Variants in MYH9 observed in about 807,000 individuals in gnomAD.
The protein encoded by MYH9 is myosin heavy chain 9, also known as myosin-9.
MYH9 carries 29 observed loss-of-function variants against 241.9 expected under a neutral mutation model. That is an observed-to-expected ratio of 0.12 (90% CI 0.09 to 0.16). The LOEUF (loss-of-function observed/expected upper bound fraction) is 0.16. Ranked by LOEUF, MYH9 falls within the 10% of genes least tolerant of loss-of-function variation. The pLI, the probability that MYH9 is intolerant of heterozygous loss-of-function variation, is 1.00. For synonymous variants in MYH9, 1,047 were observed against 1,062.6 expected (o/e 0.99, Z 0.29); for missense variants, 1,803 against 2,595.5 (o/e 0.69, Z 6.63).
In MYH9 at chr22:36,294,269, C is replaced by G. The variant is rs1255970455; in HGVS notation, c.3660G>C (p.Gln1220His). 6 of 1,613,990 alleles carry G rather than the reference C, an allele frequency of 3.7e-6. No individual in the cohort carries two copies. The highest frequency in any genetic ancestry group is 1.3e-5 in the African/African-American group (1 of 74,944). The change falls in exon 28 of 41, where the codon CAG becomes CAC. Residue 1220 changes from glutamine to histidine, a missense_variant. This residue lies in a region of MYH9 where 876 missense variants were observed against 1,077.8 expected (regional missense o/e 0.81). Transcript: ENST00000216181. ...GCTCCCCCCGCTCGTTCTCCAGAGT[C>G]TGCTTTGCCTTCTCGAGGTTTGCTT... ...RVKANLEKAK[Q>H]TLENERGELA...
chr22:36,285,218 C>G lies in MYH9; in HGVS notation c.5386G>C (p.Glu1796Gln). Residue 1796 changes from glutamate to glutamine, a missense_variant, in exon 38 of 41, where the codon GAG (glutamate) becomes CAG (glutamine). This residue lies in a region of MYH9 where 876 missense variants were observed against 1,077.8 expected (regional missense o/e 0.81). Coordinates refer to ENST00000216181, the MANE Select transcript of MYH9 (RefSeq NM_002473.6). The surrounding 1 kb of genome is among the most constrained non-coding windows in gnomAD (Gnocchi z 7.0). Reference sequence around the variant, plus strand: ...TTGGACTTGACAGTGCCCTCCATCTCCTGCAGCTTGACCTTAAGCTCCTTG... The same window carrying G: ...TTGGACTTGACAGTGCCCTCCATCTGCTGCAGCTTGACCTTAAGCTCCTTG... ...QNKELKVKLQ[E>Q]MEGTVKSKYK... 6.2e-7 allele frequency: 1 copy of G among 1,614,196 alleles called. No homozygotes were observed. Among genetic ancestry groups the G allele is most frequent in the East Asian group, 2.2e-5 (1 of 44,876 alleles).
chr22:36,288,560 G>GAT lies in MYH9; in HGVS notation c.4771-148_4771-147insAT, dbSNP rs2016629487. 7.3e-7 allele frequency: 1 copy of GAT among 1,363,838 alleles called. No homozygotes were observed. Among genetic ancestry groups the GAT allele is most frequent in the African/African-American group, 1.4e-5 (1 of 69,838 alleles). The allele number at this position is 1,363,838 out of a possible 1,614,324, so 84.5% of individuals were successfully genotyped here. A position where few individuals can be genotyped will look rare whatever the true frequency, so the allele number is the denominator to read the frequency against. ...GGATTACTGACCATAAGAACTCTAA[G>GAT]AAAGTGAGTCACTGAACCCCGAGAC... On this transcript the variant is annotated intron_variant, in intron 33 of 40. Coordinates refer to ENST00000216181, the MANE Select transcript of MYH9 (RefSeq NM_002473.6). This position sits in a 1 kb window ranked among gnomAD's most constrained non-coding sequence, Gnocchi z 4.8.
At position 36,303,918 on chromosome 22, in the gene MYH9, C is replaced by A. The variant is rs2016928682; in HGVS notation, c.2390+77G>T. ...CATGTGACTGGCTGCAGCGGGGTGG[C>A]CTGCTAAGTGCCCTTTGGCAACAGA... On this transcript the variant is annotated intron_variant, in intron 19 of 40. Coordinates refer to ENST00000216181, the MANE Select transcript of MYH9 (RefSeq NM_002473.6). The A allele has an allele frequency of 3.2e-6, 5 of 1,562,442 alleles. No homozygotes were observed. In the South Asian group the frequency reaches 5.7e-5, roughly 18 times the overall value.
Position 36,360,612 on chromosome 22 carries a change from C to T in MYH9, c.-19-11357G>A, listed in dbSNP as rs374727827. 9.3e-5 allele frequency among the ~76,000 whole-genome samples: 14 copies of T among 151,316 alleles called. No individual in the cohort carries two copies. The East Asian group carries it at 2.3e-3, about 25-fold the overall frequency. On this transcript the variant is annotated intron_variant, in intron 1 of 40. Coordinates refer to ENST00000216181, the MANE Select transcript of MYH9 (RefSeq NM_002473.6). ...CCTGTAGTCCCAGCTACTCTGGAGGCTGAGGCAGGAGAATGGCGTGAACCT... is the reference window on the plus strand; with the variant it reads ...CCTGTAGTCCCAGCTACTCTGGAGGTTGAGGCAGGAGAATGGCGTGAACCT...
At chr22:36,289,474 C>T (rs1408203013) in intron 31 of MYH9, among the ~76,000 whole-genome samples, 177 bp from the exon 32 acceptor site, 1 of 152,266 alleles carries the variant, frequency 6.6e-6, no homozygotes, top group African/African-American at 2.4e-5. Context: ...CGTGCATCCT[C>T]ATGATGGGAT....
intron 30 of MYH9, 106 bp from the exon 31 acceptor site, chr22:36,292,340 C>T (rs938950121): frequency 1.2e-5 from 18 of 1,470,568 alleles, no homozygotes; most frequent in Middle Eastern, 1.7e-4. Context: ...GTGGAAGGGG[C>T]ACCAGGGATC....
rs1314994311 is a variant in MYH9 at position 36,295,715 on chromosome 22, A to G, written c.3275T>C (p.Val1092Ala). 6.2e-7 allele frequency: 1 copy of G among 1,611,804 alleles called. No individual in the cohort carries two copies. The highest frequency in any genetic ancestry group is 2.2e-5 in the East Asian group (1 of 44,838). ...EEELQAALARVEEEAAQKNMA... is the reference protein window; with the variant it reads ...EEELQAALARAEEEAAQKNMA... ...GTTCTTCTGGGCAGCTTCCTCTTCC[A>G]CTCTGCCAAAGCGACCAGCAACATC... is the stretch of plus-strand genomic sequence containing the variant. Residue 1092 changes from valine to alanine, a missense_variant and splice_region_variant, in exon 26 of 41, where the codon GTG (valine) becomes GCG (alanine). Val to Ala is a moderately conservative substitution (Grantham distance 64). Coordinates refer to ENST00000216181, the MANE Select transcript of MYH9 (RefSeq NM_002473.6). This position sits in a 1 kb window ranked among gnomAD's most constrained non-coding sequence, Gnocchi z 4.1.
intron 1 of MYH9, among the ~76,000 whole-genome samples, chr22:36,358,634 C>A (rs1482272911): frequency 6.6e-6 from 1 of 152,262 alleles, no homozygotes; most frequent in South Asian, 2.1e-4. Flanking sequence ...CATCTGGCCA[C>A]CCAAGACAGT....
At chr22:36,367,421 T>C (rs1318009511) in intron 1 of MYH9, among the ~76,000 whole-genome samples, 1 of 152,120 alleles carries the variant, frequency 6.6e-6, no homozygotes, top group African/African-American at 2.4e-5. Flanking sequence ...CAGCCAGCCC[T>C]GGACATATAG....
rs374834377 is a variant in MYH9 at position 36,309,758 on chromosome 22, T to C, written c.1729-362A>G. Among the ~76,000 whole-genome samples, 82 of 152,386 alleles carry C rather than the reference T, an allele frequency of 5.4e-4. No homozygotes were observed. The East Asian group carries it at 0.013, about 24-fold the overall frequency. Reference sequence around the variant, plus strand: ...CTGGAAGGACAACAAAATGTTACTATTTCTTTTTAGTCATAAGACAAGTAA... The same window carrying C: ...CTGGAAGGACAACAAAATGTTACTACTTCTTTTTAGTCATAAGACAAGTAA... On this transcript the variant is annotated intron_variant, in intron 14 of 40. Transcript: ENST00000216181.
At chr22:36,319,692 G>T in intron 9 of MYH9, 57 bp from the exon 10 acceptor site, 1 of 1,539,296 alleles carries the variant, frequency 6.5e-7, no homozygotes, top group Non-Finnish European at 9.0e-7. Flanking sequence ...TGATTCCCGG[G>T]GGTGGGGGCC....
At chr22:36,298,398 A>C (rs183338036) in intron 24 of MYH9, among the ~76,000 whole-genome samples, 31 of 152,284 alleles carry the variant, frequency 2.0e-4, no homozygotes, top group African/African-American at 6.7e-4. Context: ...CAAGTCAAGC[A>C]ATGAACTTCC....
At chr22:36,338,805 G>A (rs1337562006) in intron 3 of MYH9, among the ~76,000 whole-genome samples, 1 of 149,396 alleles carries the variant, frequency 6.7e-6, no homozygotes, top group Admixed American at 6.7e-5. Flanking sequence ...GGATGACAGA[G>A]TGAGACTCCA....
chr22:36,287,466 G>A (rs561785550), intron 34 of MYH9, among the ~76,000 whole-genome samples: 12 of 151,090 alleles, frequency 7.9e-5, no homozygotes, highest in East Asian at 3.9e-4. Context: ...TTTTTTGGCC[G>A]GGCGCAGTGG....
chr22:36,296,305 G>C (rs1368110526), intron 25 of MYH9, among the ~76,000 whole-genome samples: 1 of 152,136 alleles, frequency 6.6e-6, no homozygotes, highest in African/African-American at 2.4e-5. Flanking sequence ...CACGATCTTG[G>C]CTGACTGCAA....
Position 36,305,936 on chromosome 22 carries a change from C to A in MYH9, c.2153G>T (p.Arg718Leu), listed in dbSNP as rs1464713086. The change falls in exon 17 of 41, where the codon CGG (arginine) becomes CTG (leucine). Residue 718 changes from arginine (R) to leucine (L), a missense_variant. Physicochemically the swap from Arg to Leu is moderately radical, Grantham distance 102 (BLOSUM62 -2). Coordinates refer to ENST00000216181, the MANE Select transcript of MYH9 (RefSeq NM_002473.6). This position sits in a 1 kb window ranked among gnomAD's most constrained non-coding sequence, Gnocchi z 4.7. ...GCTCCGGGCCCTGGCTCACCTCTGC[C>A]GAAACTCCTGGAAGACCACCCTGTT... ...FPNRVVFQEF[R>L]QRYEILTPNS... is the part of the protein sequence containing the mutation. The A allele has an allele frequency of 6.2e-7, 1 of 1,613,098 alleles. No homozygotes were observed. Among genetic ancestry groups the A allele is most frequent in the Non-Finnish European group, 8.5e-7 (1 of 1,179,970 alleles).
intron 5 of MYH9, chr22:36,324,917 A>G: frequency 1.6e-6 from 1 of 612,656 alleles, no homozygotes; most frequent in Non-Finnish European, 2.9e-6. Context: ...GGAACCCCAG[A>G]TGTAAGGCAT....
intron 1 of MYH9, among the ~76,000 whole-genome samples, chr22:36,361,072 C>T (rs2017929514): frequency 2.6e-5 from 4 of 152,200 alleles, no homozygotes; most frequent in Admixed American, 2.6e-4. Context: ...GCAGCCTCGA[C>T]CTAGGCCCTC....
At position 36,333,489 on chromosome 22, in the gene MYH9, T is replaced by A. The variant is rs566052560; in HGVS notation, c.491-6001A>T. 7.9e-4 allele frequency among the ~76,000 whole-genome samples: 120 copies of A among 152,236 alleles called. 1 individual carries two copies. The highest frequency in any genetic ancestry group is 1.3e-3 in the Non-Finnish European group (91 of 68,018). On this transcript the variant is annotated intron_variant, in intron 3 of 40. Coordinates refer to ENST00000216181, the MANE Select transcript of MYH9 (RefSeq NM_002473.6). ...GTGGGAATGACATCCTGAGCCCCCATCAGTACTGTCTGTTTGCCAAAAGAA... is the reference window on the plus strand; with the variant it reads ...GTGGGAATGACATCCTGAGCCCCCAACAGTACTGTCTGTTTGCCAAAAGAA...
Sources: allele counts gnomAD v4.1 joint callset (sites outside exome capture counted in the v4.1 genomes callset), GRCh38; gene constraint gnomAD v4.1.1; regional missense constraint gnomAD v4.1.1; non-coding constraint Gnocchi (gnomAD v3.1); transcripts MANE v1.5; gene names NCBI Gene and HGNC (gene_info 2026-07-23, HGNC 2026-07-21).